Variants in NPFFR1 observed in about 807,000 individuals in gnomAD.
NPFFR1 encodes G-protein coupled receptor 147.
In NPFFR1, 17 loss-of-function variants were observed where a neutral mutation model predicts 12.7. The observed-to-expected ratio is 1.34, with a 90% CI of 0.92 to 2.01. NPFFR1 has a LOEUF of 2.01. Among genes scored for constraint, NPFFR1 ranks in the 30% most tolerant of loss-of-function variants. The pLI, the probability that NPFFR1 is intolerant of heterozygous loss-of-function variation, is 0.00. For synonymous variants in NPFFR1, 296 were observed against 264.5 expected, an observed-to-expected ratio of 1.12 and a Z score of -1.16; for missense variants, 604 against 606.5, an observed-to-expected ratio of 1.00 and a Z score of 0.04.
In NPFFR1 at chr10:70,253,682, C is replaced by A. The variant is rs1043402107; in HGVS notation, c.*1275G>T. Reference sequence around the variant, plus strand: ...GCCTCAGAGCCCCGACCCCTGGAAACGTTTCTTTTTTGTTTACTAAATTTC... The same window carrying A: ...GCCTCAGAGCCCCGACCCCTGGAAAAGTTTCTTTTTTGTTTACTAAATTTC... On this transcript the variant is annotated 3_prime_UTR_variant, in exon 4 of 4. Transcript: ENST00000277942. 1.3e-5 allele frequency: 2 copies of A among 152,088 alleles called. No individual in the cohort carries two copies. The highest frequency in any genetic ancestry group is 2.9e-5 in the Non-Finnish European group (2 of 68,022). The allele number at this position is 152,088 out of a possible 1,614,324, so 9.4% of individuals were successfully genotyped here.
At chr10:70,277,960 C>G (rs979036192) in intron 1 of NPFFR1, 2 of 519,742 alleles carry the variant, frequency 3.8e-6, no homozygotes, top group Non-Finnish European at 7.7e-6. Flanking sequence ...CTCAGAGAAC[C>G]CTCCAGGCCA....
intron 3 of NPFFR1, among the ~76,000 whole-genome samples, chr10:70,257,959 G>C (rs569249543): frequency 6.6e-6 from 1 of 152,018 alleles, no homozygotes; most frequent in Non-Finnish European, 1.5e-5. Context: ...TTGCTCACAG[G>C]TTTGTTACTG....
intron 1 of NPFFR1, among the ~76,000 whole-genome samples, chr10:70,267,280 A>G (rs1455187157): frequency 6.6e-6 from 1 of 152,086 alleles, no homozygotes; most frequent in Admixed American, 6.5e-5. Flanking sequence ...CTCCTGCTCA[A>G]CCTTTGCCTC....
chr10:70,277,863 T>C (rs1840820114), intron 1 of NPFFR1: 1 of 484,348 alleles, frequency 2.1e-6, no homozygotes, highest in Non-Finnish European at 4.1e-6. Context: ...CAAATGAGGG[T>C]TACTGCCCGG....
intron 1 of NPFFR1, among the ~76,000 whole-genome samples, chr10:70,272,244 G>GAAAGAAAGAAAGAGA (rs60571634): frequency 3.7e-4 from 24 of 64,474 alleles, no homozygotes; most frequent in African/African-American, 1.4e-3. Flanking sequence ...AAGAAAGAAA[G>GAAAGAAAGAAAGAGA]AAGAAAGAAG....
At chr10:70,260,605 T>A (rs1343912033) in intron 3 of NPFFR1, 35 bp downstream of exon 3, 1 of 1,550,030 alleles carries the variant, frequency 6.5e-7, no homozygotes, top group Non-Finnish European at 8.8e-7. Context: ...AGGCCCTAGT[T>A]GGCTCAGGCA....
intron 2 of NPFFR1, among the ~76,000 whole-genome samples, chr10:70,264,531 CTCTT>C (rs35172913): frequency 0.065 from 9,848 of 152,044 alleles, 314 homozygotes; most frequent in East Asian, 0.11. Flanking sequence ...TAGTGAGAAA[CTCTT>C]TTATTTATTA....
chr10:70,275,231 C>G (rs561683560), intron 1 of NPFFR1, among the ~76,000 whole-genome samples: 3 of 152,318 alleles, frequency 2.0e-5, no homozygotes, highest in South Asian at 2.1e-4. Flanking sequence ...TTACTTCCTG[C>G]AGGAGGTCTC....
chr10:70,280,606 G>A (rs1478723098), intron 1 of NPFFR1, among the ~76,000 whole-genome samples: 1 of 152,112 alleles, frequency 6.6e-6, no homozygotes, highest in African/African-American at 2.4e-5. Flanking sequence ...AGTTGTTTGA[G>A]CTCCTGGATT....
rs766438041 is a variant in NPFFR1, at chr10:70,283,698, C to T, written c.-22G>A. 210 of 1,535,054 alleles carry T rather than the reference C, an allele frequency of 1.4e-4. No homozygotes were observed. Among genetic ancestry groups the T allele is most frequent in the Non-Finnish European group, 1.7e-4 (196 of 1,146,408 alleles). On this transcript the variant is annotated 5_prime_UTR_variant, in exon 1 of 4. Transcript: ENST00000277942. ...CCATGATGCCCCCAGTTGCGGGCTC[C>T]GGCGGTCTCCGATGGCGGGAGGCAG...
chr10:70,249,817 C>T lies in NPFFR1; in HGVS notation c.*5140G>A, dbSNP rs1201897547. The T allele has an allele frequency of 6.6e-6, 1 of 151,570 alleles. No homozygotes were observed. The highest frequency in any genetic ancestry group is 2.4e-5 in the African/African-American group (1 of 41,158). 9.4% of individuals were successfully genotyped at this position (151,570 alleles called of 1,614,324 possible). On this transcript the variant is annotated 3_prime_UTR_variant, in exon 4 of 4. Transcript: ENST00000277942. ...TTTTTAAAAGAAAGATTTGAAGATA[C>T]TTTACAATAAAAGATATAAGAATGC... is the stretch of plus-strand genomic sequence containing the variant.
At position 70,255,956 on chromosome 10, in the gene NPFFR1, C is replaced by G. The variant is rs959094995; in HGVS notation, c.423-129G>C. ...GGCGGCGTCGAAGAACAGCTCAGAC[C>G]TGAATTGGCTGAGTAGTCAAAGAAC... On this transcript the variant is annotated intron_variant, in intron 3 of 3. Transcript: ENST00000277942. This position sits in a 1 kb window ranked among gnomAD's most constrained non-coding sequence, Gnocchi z 4.2. 6.0e-5 allele frequency: 56 copies of G among 935,732 alleles called. No individual in the cohort carries two copies. The highest frequency in any genetic ancestry group is 6.8e-4 in the Middle Eastern group (2 of 2,938). 58.0% of individuals were successfully genotyped at this position (935,732 alleles called of 1,614,324 possible).
intron 1 of NPFFR1, among the ~76,000 whole-genome samples, chr10:70,280,009 G>A (rs1205501030): frequency 1.3e-5 from 2 of 152,116 alleles, no homozygotes; most frequent in African/African-American, 2.4e-5. Flanking sequence ...CTTATTTTAC[G>A]TAGTATAATG....
chr10:70,276,765 T>G (rs1840809528), intron 1 of NPFFR1, among the ~76,000 whole-genome samples: 1 of 152,074 alleles, frequency 6.6e-6, no homozygotes, highest in Non-Finnish European at 1.5e-5. Context: ...TTTTGTATTT[T>G]TAGTAGAGAC....
At chr10:70,259,321 G>A (rs576857227) in intron 3 of NPFFR1, among the ~76,000 whole-genome samples, 27 of 151,074 alleles carry the variant, frequency 1.8e-4, no homozygotes, top group Middle Eastern at 3.4e-3. Flanking sequence ...GAAAGAAAAA[G>A]AAATCTCCAG....
rs542531052 is a variant in NPFFR1, at chr10:70,253,013, T to A, written c.*1944A>T. On this transcript the variant is annotated 3_prime_UTR_variant, in exon 4 of 4. Coordinates refer to ENST00000277942, the MANE Select transcript of NPFFR1 (RefSeq NM_022146.5). The stretch of plus-strand genomic sequence containing the variant: ...TTTTAGAGCCTGGAGTCAGACTTCT[T>A]CACAACAAATAGCCCAGAACCAGCT... 1 of 152,236 alleles carries A rather than the reference T, an allele frequency of 6.6e-6. No individual in the cohort carries two copies. The highest frequency in any genetic ancestry group is 2.1e-4 in the South Asian group (1 of 4,820). The allele number at this position is 152,236 out of a possible 1,614,324, so 9.4% of individuals were successfully genotyped here. A position where few individuals can be genotyped will look rare whatever the true frequency, so the allele number is the denominator to read the frequency against.
intron 1 of NPFFR1, among the ~76,000 whole-genome samples, chr10:70,275,154 C>T (rs1445981365): frequency 1.3e-5 from 2 of 152,244 alleles, no homozygotes; most frequent in Non-Finnish European, 2.9e-5. Context: ...CTAATACAGC[C>T]ATCAGGAGCC....
intron 1 of NPFFR1, among the ~76,000 whole-genome samples, chr10:70,272,884 T>C (rs1055876776): frequency 7.9e-5 from 12 of 152,250 alleles, no homozygotes; most frequent in Admixed American, 1.3e-4. Flanking sequence ...GACATGGTAA[T>C]GGTTACAAAA....
intron 1 of NPFFR1, among the ~76,000 whole-genome samples, chr10:70,274,016 C>G (rs1840775923): frequency 6.6e-6 from 1 of 152,174 alleles, no homozygotes; most frequent in African/African-American, 2.4e-5. Flanking sequence ...CTCCCCAACA[C>G]CATCCCACAC....
Sources: allele counts gnomAD v4.1 joint callset (sites outside exome capture counted in the v4.1 genomes callset), GRCh38; gene constraint gnomAD v4.1.1; non-coding constraint Gnocchi (gnomAD v3.1); transcripts MANE v1.5; gene names NCBI Gene and HGNC (gene_info 2026-07-23, HGNC 2026-07-21).